Variants in GRAMD1B observed in about 807,000 individuals in gnomAD.
GRAMD1B encodes GRAM domain containing 1B.
GRAMD1B carries 37 observed loss-of-function variants against 99.7 expected under a neutral mutation model. The ratio of observed to expected loss-of-function variants is 0.37; its 90% CI spans 0.29 to 0.49. GRAMD1B has a LOEUF of 0.49. Ranked by LOEUF, GRAMD1B falls within the 20% of genes least tolerant of loss-of-function variation. GRAMD1B has a pLI of 0.98. For synonymous variants in GRAMD1B, 427 were observed against 387.6 expected, an observed-to-expected ratio of 1.10 and a Z score of -1.19; for missense variants, 888 against 1,009.2, an observed-to-expected ratio of 0.88 and a Z score of 1.63.
chr11:123,379,001 T>C lies in GRAMD1B; in HGVS notation c.-176+20202T>C, dbSNP rs143763900. Among the ~76,000 whole-genome samples the C allele has an allele frequency of 9.9e-5, 15 of 152,238 alleles. No individual in the cohort carries two copies. In the East Asian group the frequency reaches 2.9e-3, roughly 29 times the overall value. On this transcript the variant is annotated intron_variant, in intron 1 of 20. Coordinates refer to the GRAMD1B transcript ENST00000638157. ...AGTTTTGATGGGAGTTGGCAGGGCA[T>C]GTGGAGTTGTACAGTGTCAGTCTAA...
chr11:123,521,808 C>G (rs1036446596), intron 2 of GRAMD1B, among the ~76,000 whole-genome samples: 1 of 152,188 alleles, frequency 6.6e-6, no homozygotes, highest in Non-Finnish European at 1.5e-5. Flanking sequence ...TCTTGATTCT[C>G]TCACCACTTG....
intron 19 of GRAMD1B, among the ~76,000 whole-genome samples, chr11:123,621,819 A>G (rs1007244879): frequency 7.1e-6 from 1 of 141,164 alleles, no homozygotes; most frequent in African/African-American, 2.6e-5. Flanking sequence ...ACTGAGACCC[A>G]GTAAGCCCTA....
chr11:123,530,964 T>C (rs925361513), intron 2 of GRAMD1B, among the ~76,000 whole-genome samples: 9 of 152,140 alleles, frequency 5.9e-5, no homozygotes, highest in Admixed American at 1.3e-4. Context: ...GTTGGGTGGA[T>C]TAGTTGGTCT....
At chr11:123,473,262 C>G (rs1012103941) in intron 1 of GRAMD1B, among the ~76,000 whole-genome samples, 1 of 152,086 alleles carries the variant, frequency 6.6e-6, no homozygotes, top group African/African-American at 2.4e-5. Flanking sequence ...CGGGGTTTCA[C>G]CATGTTAGCC....
At chr11:123,621,938 T>C (rs201191614) in intron 19 of GRAMD1B, among the ~76,000 whole-genome samples, 29 of 39,242 alleles carry the variant, frequency 7.4e-4, no homozygotes, top group Admixed American at 3.5e-3. Flanking sequence ...CTTCCTTCCT[T>C]TCTCTCTTTC....
chr11:123,552,273 C>CTGTTTTTTTTTTTTTT (rs1945691440), intron 2 of GRAMD1B, among the ~76,000 whole-genome samples: 1 of 119,370 alleles, frequency 8.4e-6, no homozygotes. Flanking sequence ...CTCTTTCTTT[C>CTGTTTTTTTTTTTTTT]TTTTTTTTTT....
intron 14 of GRAMD1B, among the ~76,000 whole-genome samples, chr11:123,611,473 A>AT (rs752051434): frequency 2.0e-5 from 3 of 151,932 alleles, no homozygotes; most frequent in Non-Finnish European, 4.4e-5. Context: ...TCTCTTGGTA[A>AT]TTTTTGGGGG....
intron 1 of GRAMD1B, among the ~76,000 whole-genome samples, chr11:123,441,648 T>C (rs1431181176): frequency 6.6e-6 from 1 of 151,138 alleles, no homozygotes. Flanking sequence ...AGAAAAAAAT[T>C]AGCCAGGCAT....
chr11:123,404,770 G>T (rs575327801), intron 1 of GRAMD1B, among the ~76,000 whole-genome samples: 72 of 152,316 alleles, frequency 4.7e-4, no homozygotes, highest in African/African-American at 1.5e-3. Flanking sequence ...CCTTCACTGC[G>T]CAGCCTTGCA....
In GRAMD1B at chr11:123,587,865, C is replaced by T. The variant is rs761242182; in HGVS notation, c.684+3533C>T. On this transcript the variant is annotated intron_variant, in intron 4 of 19. Transcript: ENST00000635736. This position sits in a 1 kb window ranked among gnomAD's most constrained non-coding sequence, Gnocchi z 4.2. ...GTTGGGCAGCGGAGAGGGTAGGAGA[C>T]CTGCCTCGAACCTGGTGTTGCTCCA... Among the ~76,000 whole-genome samples the T allele has an allele frequency of 2.4e-4, 36 of 152,214 alleles. No individual in the cohort carries two copies. The highest frequency in any genetic ancestry group is 3.4e-3 in the Middle Eastern group (1 of 294).
chr11:123,387,515 C>G (rs1220814510), intron 1 of GRAMD1B, among the ~76,000 whole-genome samples: 1 of 152,070 alleles, frequency 6.6e-6, no homozygotes, highest in East Asian at 1.9e-4. Flanking sequence ...AGAGTGGGCT[C>G]TTGTGCCAGG....
chr11:123,396,050 G>A (rs183903697), intron 1 of GRAMD1B, among the ~76,000 whole-genome samples: 165 of 152,220 alleles, frequency 1.1e-3, no homozygotes, highest in African/African-American at 3.7e-3. Context: ...GGCTGGGGTC[G>A]ATGAATGGAC....
intron 2 of GRAMD1B, among the ~76,000 whole-genome samples, chr11:123,543,657 T>C (rs1944765459): frequency 6.6e-6 from 1 of 152,248 alleles, no homozygotes; most frequent in Non-Finnish European, 1.5e-5. Context: ...GGAAGTCAAG[T>C]AACTGGGTAA....
intron 2 of GRAMD1B, among the ~76,000 whole-genome samples, chr11:123,503,969 T>G (rs1447544756): frequency 6.6e-6 from 1 of 152,244 alleles, no homozygotes; most frequent in African/African-American, 2.4e-5. Flanking sequence ...GTTTCATAAC[T>G]TATATAATGT....
intron 1 of GRAMD1B, among the ~76,000 whole-genome samples, chr11:123,396,724 A>G (rs1018772421): frequency 6.6e-6 from 1 of 152,240 alleles, no homozygotes; most frequent in African/African-American, 2.4e-5. Flanking sequence ...TTGCAAGAAT[A>G]TCTTGGTGCC....
chr11:123,430,459 G>C lies in GRAMD1B; in HGVS notation c.-334G>C, dbSNP rs1469866464. 1 of 321,062 alleles carries C rather than the reference G, an allele frequency of 3.1e-6. No homozygotes were observed. Among genetic ancestry groups the C allele is most frequent in the Non-Finnish European group, 5.7e-6 (1 of 176,088 alleles). 19.9% of individuals were successfully genotyped at this position (321,062 alleles called of 1,614,324 possible). A position where few individuals can be genotyped will look rare whatever the true frequency, so the allele number is the denominator to read the frequency against. On this transcript the variant is annotated 5_prime_UTR_variant, in exon 1 of 20. Transcript: ENST00000635736. ...TAAGGCAAAGACGCCAGCAAGCGAG[G>C]AAGCGCAGCGGAAGAAAAACAAGCG...
chr11:123,404,345 C>T (rs528332171), intron 1 of GRAMD1B, among the ~76,000 whole-genome samples: 3 of 152,148 alleles, frequency 2.0e-5, no homozygotes, highest in Non-Finnish European at 4.4e-5. Flanking sequence ...CAAAGAGGTA[C>T]CTCTCTTCAG....
chr11:123,480,613 T>C (rs999410875), intron 1 of GRAMD1B: 1 of 368,746 alleles, frequency 2.7e-6, no homozygotes, highest in African/African-American at 2.1e-5. Context: ...AGTCTGCAGG[T>C]GTGATGGCTG....
intron 3 of GRAMD1B, among the ~76,000 whole-genome samples, chr11:123,583,563 C>T (rs1949705697): frequency 6.6e-6 from 1 of 152,174 alleles, no homozygotes; most frequent in Non-Finnish European, 1.5e-5. Flanking sequence ...TGAAGACAGA[C>T]AAGGCACGAT....
Sources: gnomAD v4.1 joint callset for allele counts (sites outside exome capture counted in the v4.1 genomes callset) on GRCh38, gnomAD v4.1.1 for gene constraint, Gnocchi (gnomAD v3.1) non-coding constraint, MANE v1.5 for transcripts, NCBI Gene and HGNC (gene_info 2026-07-23, HGNC 2026-07-21) for gene names.